The following XKR6 variants were observed in gnomAD, a reference collection of about 807,000 sequenced individuals.
XKR6 encodes the protein XK-related protein 6.
A neutral mutation model predicts 56.7 loss-of-function variants in XKR6; 22 were observed. The observed-to-expected ratio is 0.39, with a 90% CI of 0.28 to 0.55. The LOEUF (loss-of-function observed/expected upper bound fraction) is 0.55, where lower values mean the gene tolerates loss of function less well. Among genes scored for constraint, XKR6 ranks in the 20% least tolerant of loss-of-function variants. XKR6 has a pLI of 0.66. For synonymous variants in XKR6, 524 were observed against 387.8 expected (o/e 1.35, Z -4.13); for missense variants, 852 against 889.0 (o/e 0.96, Z 0.53).
chr8:10,947,436 G>A (rs922797318), intron 1 of XKR6, among the ~76,000 whole-genome samples: 2 of 152,086 alleles, frequency 1.3e-5, no homozygotes, highest in African/African-American at 4.8e-5. Flanking sequence ...GGCAAATCTG[G>A]GGGCATGGTT....
At chr8:10,945,871 C>T (rs1322710735) in intron 1 of XKR6, among the ~76,000 whole-genome samples, 2 of 152,154 alleles carry the variant, frequency 1.3e-5, no homozygotes, top group African/African-American at 2.4e-5. Context: ...GAACTCCCAG[C>T]TCTGCTCCTC....
chr8:10,988,818 C>G (rs938187126), intron 1 of XKR6, among the ~76,000 whole-genome samples: 55 of 152,330 alleles, frequency 3.6e-4, no homozygotes, highest in South Asian at 8.3e-4. Flanking sequence ...TCTACAAAGT[C>G]AACGTCTGGA....
At chr8:10,950,078 G>A (rs759682066) in intron 1 of XKR6, among the ~76,000 whole-genome samples, 27 of 152,170 alleles carry the variant, frequency 1.8e-4, no homozygotes, top group Non-Finnish European at 3.2e-4. Flanking sequence ...GCATGCACAC[G>A]TGACACATGG....
chr8:10,995,069 T>A (rs1798079278), intron 1 of XKR6, among the ~76,000 whole-genome samples: 1 of 152,214 alleles, frequency 6.6e-6, no homozygotes, highest in Non-Finnish European at 1.5e-5. Flanking sequence ...GCCCTGCAGC[T>A]AGCGAGACTC....
chr8:10,989,217 A>G (rs973014558), intron 1 of XKR6, among the ~76,000 whole-genome samples: 1 of 152,214 alleles, frequency 6.6e-6, no homozygotes, highest in African/African-American at 2.4e-5. Flanking sequence ...TGAATAAAAG[A>G]CCTATTTGCT....
In XKR6 at chr8:11,140,625, T is replaced by A. The variant is rs540186511; in HGVS notation, c.764+59951A>T. On this transcript the variant is annotated intron_variant, in intron 1 of 2. Transcript: ENST00000416569. ...CTTAAGAACCCTTCCTGGCCTGGCATGGTGGCTCACACCTGTAATCCCAGC... is the reference window on the plus strand; with the variant it reads ...CTTAAGAACCCTTCCTGGCCTGGCAAGGTGGCTCACACCTGTAATCCCAGC... Among the ~76,000 whole-genome samples the A allele has an allele frequency of 4.1e-4, 62 of 152,244 alleles. No individual in the cohort carries two copies. The Middle Eastern group carries it at 0.014, about 33-fold the overall frequency.
intron 1 of XKR6, among the ~76,000 whole-genome samples, chr8:11,077,411 A>G (rs554722123): frequency 2.6e-5 from 4 of 152,134 alleles, no homozygotes; most frequent in Non-Finnish European, 5.9e-5. Context: ...CTGTGAGGTC[A>G]TCTCCCTTAC....
At chr8:11,140,312 G>C (rs1307380569) in intron 1 of XKR6, among the ~76,000 whole-genome samples, 2 of 152,166 alleles carry the variant, frequency 1.3e-5, no homozygotes, top group East Asian at 3.9e-4. Flanking sequence ...ACGATCTGAA[G>C]CTATACACTG....
chr8:11,002,196 G>C (rs1201946962), intron 1 of XKR6, among the ~76,000 whole-genome samples: 1 of 152,202 alleles, frequency 6.6e-6, no homozygotes, highest in East Asian at 1.9e-4. Context: ...CCAATCCTGA[G>C]AGGGCCAGCA....
chr8:11,172,610 C>G (rs1246963483), intron 1 of XKR6, among the ~76,000 whole-genome samples: 3 of 152,158 alleles, frequency 2.0e-5, no homozygotes, highest in Admixed American at 6.5e-5. Context: ...CAGGCCTGCT[C>G]CCAAATACAA....
At chr8:11,187,941 C>T (rs1179577685) in intron 1 of XKR6, among the ~76,000 whole-genome samples, 1 of 152,158 alleles carries the variant, frequency 6.6e-6, no homozygotes, top group East Asian at 1.9e-4. Context: ...GTTAAGCCTC[C>T]CTGTATTTTT....
intron 1 of XKR6, among the ~76,000 whole-genome samples, chr8:11,040,392 C>G (rs972770939): frequency 6.8e-6 from 1 of 147,146 alleles, no homozygotes; most frequent in African/African-American, 2.5e-5. Context: ...ATTAGCCAAA[C>G]AGGGTGGCAC....
chr8:10,971,447 A>T (rs1054281167), intron 1 of XKR6, among the ~76,000 whole-genome samples: 1 of 152,098 alleles, frequency 6.6e-6, no homozygotes, highest in Middle Eastern at 3.2e-3. Context: ...ATTTAATTTA[A>T]TTTAATTTAA....
At chr8:11,123,731 A>T (rs1482143640) in intron 1 of XKR6, 1 of 396,110 alleles carries the variant, frequency 2.5e-6, no homozygotes, top group African/African-American at 2.1e-5. Context: ...AAGAAATCCA[A>T]TATGCACCCC....
intron 1 of XKR6, among the ~76,000 whole-genome samples, chr8:11,058,794 G>A (rs1413501506): frequency 6.6e-6 from 1 of 152,160 alleles, no homozygotes; most frequent in Non-Finnish European, 1.5e-5. Context: ...CACGGCACAT[G>A]TATACCTATG....
intron 1 of XKR6, among the ~76,000 whole-genome samples, chr8:10,942,044 T>A (rs1218391132): frequency 6.6e-6 from 1 of 152,178 alleles, no homozygotes; most frequent in African/African-American, 2.4e-5. Flanking sequence ...AGTTATCCCC[T>A]CTGAGGGATT....
chr8:11,116,348 C>G (rs1799172179), intron 1 of XKR6, among the ~76,000 whole-genome samples: 1 of 152,158 alleles, frequency 6.6e-6, no homozygotes, highest in Admixed American at 6.6e-5. Context: ...CTGTCGGCTA[C>G]CCACAGCTCA....
chr8:10,896,748 G>A lies in XKR6; in HGVS notation c.*1204C>T, dbSNP rs1219830970. On this transcript the variant is annotated 3_prime_UTR_variant, in exon 3 of 3. Coordinates refer to ENST00000416569, the MANE Select transcript of XKR6 (RefSeq NM_173683.4). ...TATGTATATATATATATATATTCTA[G>A]TTTTCCTCTTTGTGTTATTTTTTTT... 1 of 141,546 alleles carries A rather than the reference G, an allele frequency of 7.1e-6. No homozygotes were observed. Among genetic ancestry groups the A allele is most frequent in the Non-Finnish European group, 1.5e-5 (1 of 65,760 alleles). 8.8% of individuals were successfully genotyped at this position (141,546 alleles called of 1,614,324 possible). A position where few individuals can be genotyped will look rare whatever the true frequency, so the allele number is the denominator to read the frequency against.
intron 1 of XKR6, among the ~76,000 whole-genome samples, chr8:11,129,232 T>A (rs1425333149): frequency 6.6e-6 from 1 of 152,212 alleles, no homozygotes; most frequent in Non-Finnish European, 1.5e-5. Flanking sequence ...GAATTGTTCA[T>A]TTTACAATGG....
Sources: allele counts gnomAD v4.1 joint callset (sites outside exome capture counted in the v4.1 genomes callset), GRCh38; gene constraint gnomAD v4.1.1; transcripts MANE v1.5; gene names NCBI Gene and HGNC (gene_info 2026-07-23, HGNC 2026-07-21).